The following METTL15 variants were observed in gnomAD, a reference collection of about 807,000 sequenced individuals.
METTL15 encodes methyltransferase 15, mitochondrial 12S rRNA N4-cytidine, also known as 12S rRNA N(4)-cytidine methyltransferase METTL15.
In METTL15, 34 loss-of-function variants were observed where a neutral mutation model predicts 38.3. The observed-to-expected ratio is 0.89, with a 90% CI of 0.68 to 1.18. METTL15 has a LOEUF of 1.18. Among genes scored for constraint, METTL15 ranks in the 50% most tolerant of loss-of-function variants. The pLI is 0.00. For missense variants in METTL15, 438 were observed against 498.4 expected, an observed-to-expected ratio of 0.88 and a Z score of 1.15; for synonymous variants, 162 against 170.9, an observed-to-expected ratio of 0.95 and a Z score of 0.41.
chr11:28,455,055 T>C (rs1851155942), intron 6 of METTL15, among the ~76,000 whole-genome samples: 1 of 151,836 alleles, frequency 6.6e-6, no homozygotes, highest in Non-Finnish European at 1.5e-5. Flanking sequence ...GGAATCGGAG[T>C]TCCAAGATAC....
intron 3 of METTL15, among the ~76,000 whole-genome samples, chr11:28,208,671 C>G (rs1029791473): frequency 2.0e-5 from 3 of 152,034 alleles, no homozygotes; most frequent in Non-Finnish European, 4.4e-5. Flanking sequence ...TCCTTGTTAA[C>G]TTTTTGTCTC....
At chr11:28,382,128 T>TA (rs1435787653) in intron 5 of METTL15, among the ~76,000 whole-genome samples, 2 of 152,164 alleles carry the variant, frequency 1.3e-5, no homozygotes, top group Admixed American at 6.5e-5. Flanking sequence ...TCAGTTCTAG[T>TA]AAAAAATCAG....
chr11:28,388,021 A>C lies in METTL15; in HGVS notation c.*358+25985A>C, dbSNP rs528193328. ...ACACACTTTTGTGATAAAAATACTA[A>C]ACAAACTAGAAATAGGAATAAATTA... On this transcript the variant is annotated intron_variant and NMD_transcript_variant, in intron 5 of 7. Coordinates refer to the METTL15 transcript ENST00000532947. Among the ~76,000 whole-genome samples, 4 of 144,624 alleles carry C rather than the reference A, an allele frequency of 2.8e-5. No homozygotes were observed. The South Asian group carries it at 8.9e-4, about 32-fold the overall frequency. 94.9% of individuals were successfully genotyped at this position (144,624 alleles called of 152,430 possible).
chr11:28,389,299 T>A (rs954597644), intron 5 of METTL15, among the ~76,000 whole-genome samples: 1 of 151,274 alleles, frequency 6.6e-6, no homozygotes, highest in African/African-American at 2.4e-5. Flanking sequence ...GTTACATATG[T>A]ATACATGTGC....
intron 6 of METTL15, among the ~76,000 whole-genome samples, chr11:28,439,682 G>A (rs1231860240): frequency 6.6e-6 from 1 of 152,170 alleles, no homozygotes; most frequent in African/African-American, 2.4e-5. Flanking sequence ...CTGGAGATGT[G>A]TTGTATAAGC....
chr11:28,227,358 C>A (rs977817483), intron 4 of METTL15, among the ~76,000 whole-genome samples: 1 of 151,658 alleles, frequency 6.6e-6, no homozygotes, highest in South Asian at 2.1e-4. Flanking sequence ...GAATGAGTAG[C>A]GTATGATCTC....
At chr11:28,314,006 T>C (rs1857395257) in intron 6 of METTL15, among the ~76,000 whole-genome samples, 1 of 152,172 alleles carries the variant, frequency 6.6e-6, no homozygotes, top group South Asian at 2.1e-4. Flanking sequence ...TTTAGTGGTA[T>C]AGAGCAGGTA....
intron 3 of METTL15, among the ~76,000 whole-genome samples, chr11:28,172,219 A>G (rs1850886574): frequency 1.3e-5 from 2 of 152,122 alleles, no homozygotes; most frequent in African/African-American, 2.4e-5. Context: ...TTTTAGCACA[A>G]TTTTAGCATA....
intron 6 of METTL15, among the ~76,000 whole-genome samples, chr11:28,322,507 A>C (rs1196688228): frequency 6.6e-6 from 1 of 152,148 alleles, no homozygotes; most frequent in East Asian, 1.9e-4. Context: ...AAAGAGTGAT[A>C]GCTTCTAGTA....
At chr11:28,519,709 C>CT (rs1262154954) in intron 6 of METTL15, among the ~76,000 whole-genome samples, 1 of 152,124 alleles carries the variant, frequency 6.6e-6, no homozygotes, top group African/African-American at 2.4e-5. Flanking sequence ...AGCAGCTGTA[C>CT]TTTTTTTCTC....
chr11:28,416,714 T>C (rs1850775560), intron 5 of METTL15, among the ~76,000 whole-genome samples: 2 of 152,246 alleles, frequency 1.3e-5, no homozygotes, highest in Non-Finnish European at 2.9e-5. Flanking sequence ...GAGACTGGAC[T>C]GTCAAACTTT....
At chr11:28,386,488 CATT>C (rs1850442444) in intron 5 of METTL15, among the ~76,000 whole-genome samples, 1 of 151,548 alleles carries the variant, frequency 6.6e-6, no homozygotes, top group African/African-American at 2.4e-5. Context: ...CAAAGAAAAA[CATT>C]ATATAATGAT....
chr11:28,469,566 G>C (rs1402903308), intron 6 of METTL15, among the ~76,000 whole-genome samples: 1 of 152,004 alleles, frequency 6.6e-6, no homozygotes, highest in Admixed American at 6.6e-5. Flanking sequence ...GTGTGCCCTT[G>C]GGAAAGTTAT....
intron 3 of METTL15, among the ~76,000 whole-genome samples, chr11:28,208,307 G>A (rs1565167023): frequency 6.6e-6 from 1 of 152,072 alleles, no homozygotes; most frequent in African/African-American, 2.4e-5. Flanking sequence ...CTGGTATGTT[G>A]TGTCTTTGTT....
chr11:28,168,740 G>A (rs570451553), intron 3 of METTL15, among the ~76,000 whole-genome samples: 13 of 151,546 alleles, frequency 8.6e-5, no homozygotes, highest in Admixed American at 8.6e-4. Flanking sequence ...ATATAATATA[G>A]AACATATTTG....
At chr11:28,515,057 A>G (rs1471475191) in intron 6 of METTL15, among the ~76,000 whole-genome samples, 6 of 152,232 alleles carry the variant, frequency 3.9e-5, no homozygotes, top group East Asian at 1.9e-4. Context: ...AAACAGGCCT[A>G]TGGAATAAAA....
intron 5 of METTL15, among the ~76,000 whole-genome samples, chr11:28,397,816 A>C (rs972901683): frequency 6.6e-6 from 1 of 152,288 alleles, no homozygotes; most frequent in Admixed American, 6.5e-5. Flanking sequence ...ACTATTCACA[A>C]TAGCAATTAC....
At chr11:28,476,330 A>G (rs1851345985) in intron 6 of METTL15, among the ~76,000 whole-genome samples, 1 of 152,146 alleles carries the variant, frequency 6.6e-6, no homozygotes. Flanking sequence ...TCATTTATGG[A>G]TAAAACCTCA....
intron 6 of METTL15, among the ~76,000 whole-genome samples, chr11:28,310,914 C>CTGCTGCTGGTGGTGG (rs1296842131): frequency 6.4e-5 from 7 of 110,126 alleles, no homozygotes; most frequent in Non-Finnish European, 1.3e-4. Flanking sequence ...GCTGCTGCTG[C>CTGCTGCTGGTGGTGG]TGGTGGTGGT....
Sources: gnomAD v4.1 joint callset for allele counts (sites outside exome capture counted in the v4.1 genomes callset) on GRCh38, gnomAD v4.1.1 for gene constraint, MANE v1.5 for transcripts, NCBI Gene and HGNC (gene_info 2026-07-23, HGNC 2026-07-21) for gene names.